The following ROMO1 variants were observed in gnomAD, a reference collection of about 807,000 sequenced individuals.
The protein encoded by ROMO1 is reactive oxygen species modulator 1.
In ROMO1, 8 loss-of-function variants were observed where a neutral mutation model predicts 7.4. The ratio of observed to expected loss-of-function variants is 1.08; its 90% CI spans 0.63 to 1.95. The LOEUF (loss-of-function observed/expected upper bound fraction) is 1.95. Ranked by LOEUF, ROMO1 falls within the 30% of genes most tolerant of loss-of-function variation. The pLI, the probability that ROMO1 is intolerant of heterozygous loss-of-function variation, is 0.00. For synonymous variants in ROMO1, 43 were observed against 41.4 expected, an observed-to-expected ratio of 1.04 and a Z score of -0.15; for missense variants, 91 against 115.9, an observed-to-expected ratio of 0.79 and a Z score of 0.99.
Position 35,699,751 on chromosome 20 carries a change from T to C in ROMO1, c.119T>C (p.Phe40Ser). The change falls in exon 2 of 3, where the codon TTT becomes TCT. Residue 40 changes from phenylalanine (F) to serine (S), a missense_variant. Coordinates refer to ENST00000374077, the MANE Select transcript of ROMO1 (RefSeq NM_080748.3). This position sits in a 1 kb window ranked among gnomAD's most constrained non-coding sequence, Gnocchi z 4.4. ...GMAAGALFGTFSCLRIGMRGR... is the reference protein window; with the variant it reads ...GMAAGALFGTSSCLRIGMRGR... ...GCGGCCGGGGCGCTCTTCGGCACCT[T>C]TTCCTGTCTCAGGTGAGGGGCGCGG... 6.2e-7 allele frequency: 1 copy of C among 1,610,198 alleles called. No homozygotes were observed. Among genetic ancestry groups the C allele is most frequent in the African/African-American group, 1.3e-5 (1 of 75,040 alleles).
At position 35,699,461 on chromosome 20, in the gene ROMO1, G is replaced by A; in HGVS notation, c.-1+5G>A. ...CCAGCCCGCGAGCGAGGTGAGGTAG[G>A]CGCCGGGCGACGCGGGGCCGGAACG... On this transcript the variant is annotated splice_donor_5th_base_variant and intron_variant, in intron 1 of 2. Coordinates refer to ENST00000374077, the MANE Select transcript of ROMO1 (RefSeq NM_080748.3). This position sits in a 1 kb window ranked among gnomAD's most constrained non-coding sequence, Gnocchi z 4.4. 8.3e-7 allele frequency: 1 copy of A among 1,203,696 alleles called. No individual in the cohort carries two copies. Among genetic ancestry groups the A allele is most frequent in the East Asian group, 2.6e-5 (1 of 39,082 alleles). 74.6% of individuals were successfully genotyped at this position (1,203,696 alleles called of 1,614,324 possible). A position where few individuals can be genotyped will look rare whatever the true frequency, so the allele number is the denominator to read the frequency against.
rs757323572 is a variant in ROMO1 at position 35,700,851 on chromosome 20, A to T, written c.185A>T (p.Gln62Leu). Residue 62 changes from glutamine (Q) to leucine (L), a missense_variant, in exon 3 of 3, where the codon CAG (glutamine) becomes CTG (leucine). Transcript: ENST00000374077. ...LMGGIGKTMM[Q>L]SGGTFGTFMA... ...GGCGGCATTGGGAAAACCATGATGCAGAGTGGCGGCACCTTTGGCACATTC... is the reference window on the plus strand; with the variant it reads ...GGCGGCATTGGGAAAACCATGATGCTGAGTGGCGGCACCTTTGGCACATTC... 4 of 1,614,124 alleles carry T rather than the reference A, an allele frequency of 2.5e-6. No homozygotes were observed. The highest frequency in any genetic ancestry group is 3.4e-6 in the Non-Finnish European group (4 of 1,180,048).
chr20:35,700,642 A>T, intron 2 of ROMO1, 156 bp from the exon 3 acceptor site: 1 of 649,328 alleles, frequency 1.5e-6, no homozygotes, highest in Admixed American at 2.4e-5. Context: ...TTTCCTTCTC[A>T]TTACCCACCC....
Position 35,700,882 on chromosome 20 carries a change from C to T in ROMO1, c.216C>T (p.Ala72=), listed in dbSNP as rs747362231. ...GCGGCACCTTTGGCACATTCATGGCCATTGGGATGGGCATCCGATGCTAAC... is the reference window on the plus strand; with the variant it reads ...GCGGCACCTTTGGCACATTCATGGCTATTGGGATGGGCATCCGATGCTAAC... ...QSGGTFGTFM[A]IGMGIRC The change falls in exon 3 of 3, where the codon GCC becomes GCT. Residue 72 remains alanine, a synonymous_variant. Transcript: ENST00000374077. 1.2e-6 allele frequency: 2 copies of T among 1,613,988 alleles called. No homozygotes were observed. Among genetic ancestry groups the T allele is most frequent in the East Asian group, 2.2e-5 (1 of 44,892 alleles).
At position 35,699,609 on chromosome 20, in the gene ROMO1, C is replaced by T. The variant is rs1321011588; in HGVS notation, c.1-24C>T. 2 of 1,610,458 alleles carry T rather than the reference C, an allele frequency of 1.2e-6. No individual in the cohort carries two copies. The highest frequency in any genetic ancestry group is 1.7e-6 in the Non-Finnish European group (2 of 1,179,878). On this transcript the variant is annotated intron_variant, in intron 1 of 2. Transcript: ENST00000374077. This position sits in a 1 kb window ranked among gnomAD's most constrained non-coding sequence, Gnocchi z 4.4. ...CCCGACTCTTGGGCCAGCGCCTGGG[C>T]CCACACTTTCCTATCCCCCGCAGAT...
In ROMO1 at chr20:35,699,445, G is replaced by A; in HGVS notation, c.-12G>A. 1.7e-6 allele frequency: 2 copies of A among 1,170,276 alleles called. No homozygotes were observed. The highest frequency in any genetic ancestry group is 1.5e-5 in the South Asian group (1 of 65,254). The allele number at this position is 1,170,276 out of a possible 1,614,324, so 72.5% of individuals were successfully genotyped here. On this transcript the variant is annotated 5_prime_UTR_variant, in exon 1 of 3. Coordinates refer to ENST00000374077, the MANE Select transcript of ROMO1 (RefSeq NM_080748.3). The surrounding 1 kb of genome is among the most constrained non-coding windows in gnomAD (Gnocchi z 4.4). ...CGTAGAGCTGAGCGACCCAGCCCGC[G>A]AGCGAGGTGAGGTAGGCGCCGGGCG...
Position 35,699,711 on chromosome 20 carries a change from T to C in ROMO1, c.79T>C (p.Cys27Arg). The C allele has an allele frequency of 6.2e-7, 1 of 1,613,498 alleles. No homozygotes were observed. Among genetic ancestry groups the C allele is most frequent in the Middle Eastern group, 1.6e-4 (1 of 6,062 alleles). The part of the protein sequence containing the change: ...DRVKMGFVMG[C>R]AVGMAAGALF... ...TGTCAAAATGGGCTTCGTGATGGGTTGCGCCGTGGGCATGGCGGCCGGGGC... is the reference window on the plus strand; with the variant it reads ...TGTCAAAATGGGCTTCGTGATGGGTCGCGCCGTGGGCATGGCGGCCGGGGC... The change falls in exon 2 of 3, where the codon TGC (cysteine) becomes CGC (arginine). Residue 27 changes from cysteine (C) to arginine (R), a missense_variant. Cys to Arg is a radical substitution (Grantham distance 180). Transcript: ENST00000374077. The surrounding 1 kb of genome is among the most constrained non-coding windows in gnomAD (Gnocchi z 4.4).
At position 35,699,793 on chromosome 20, in the gene ROMO1, A is replaced by G. The variant is rs1440869462; in HGVS notation, c.131+30A>G. 2.5e-6 allele frequency: 4 copies of G among 1,592,852 alleles called. No individual in the cohort carries two copies. In the African/African-American group the frequency reaches 5.4e-5, roughly 21 times the overall value. ...GGGGCGCGGGCGGTGATCTCTGGGCAGGACAACCAGACCTTCCGGCCCTGC... is the reference window on the plus strand; with the variant it reads ...GGGGCGCGGGCGGTGATCTCTGGGCGGGACAACCAGACCTTCCGGCCCTGC... On this transcript the variant is annotated intron_variant, in intron 2 of 2. Coordinates refer to ENST00000374077, the MANE Select transcript of ROMO1 (RefSeq NM_080748.3). This position sits in a 1 kb window ranked among gnomAD's most constrained non-coding sequence, Gnocchi z 4.4.
rs1347322138 is a variant in ROMO1, at chr20:35,699,413, TGA to T, written c.-39_-38del. 1.0e-5 allele frequency: 12 copies of T among 1,201,370 alleles called. No homozygotes were observed. In the Admixed American group the frequency reaches 3.5e-4, roughly 35 times the overall value. 74.4% of individuals were successfully genotyped at this position (1,201,370 alleles called of 1,614,324 possible). ...CGAGCGCCCTCCCCGTCGTTTTCCG[TGA>T]GAGACGTAGAGCTGAGCGACCCAGC... On this transcript the variant is annotated 5_prime_UTR_variant, in exon 1 of 3. Coordinates refer to ENST00000374077, the MANE Select transcript of ROMO1 (RefSeq NM_080748.3). The surrounding 1 kb of genome is among the most constrained non-coding windows in gnomAD (Gnocchi z 4.4).
chr20:35,700,636 C>T, intron 2 of ROMO1, 162 bp from the exon 3 acceptor site: 2 of 635,748 alleles, frequency 3.1e-6, no homozygotes, highest in Admixed American at 2.5e-5. Context: ...GATCTTTTTC[C>T]TTCTCATTAC....
rs1555885441 is a variant in ROMO1, at chr20:35,700,843, C to T, written c.177C>T (p.Thr59=). The T allele has an allele frequency of 1.2e-6, 2 of 1,614,218 alleles. No individual in the cohort carries two copies. Among genetic ancestry groups the T allele is most frequent in the Non-Finnish European group, 8.5e-7 (1 of 1,180,028 alleles). Residue 59 remains threonine (T), a synonymous_variant, in exon 3 of 3, where the codon ACC becomes ACT. Coordinates refer to ENST00000374077, the MANE Select transcript of ROMO1 (RefSeq NM_080748.3). ...GRELMGGIGK[T]MMQSGGTFGT... ...AGCTGATGGGCGGCATTGGGAAAAC[C>T]ATGATGCAGAGTGGCGGCACCTTTG... is the stretch of plus-strand genomic sequence containing the variant.
chr20:35,700,843 C>G lies in ROMO1; in HGVS notation c.177C>G (p.Thr59=), dbSNP rs1555885441. Residue 59 remains threonine, a synonymous_variant, in exon 3 of 3, where the codon ACC becomes ACG. Transcript: ENST00000374077. ...AGCTGATGGGCGGCATTGGGAAAAC[C>G]ATGATGCAGAGTGGCGGCACCTTTG... ...GRELMGGIGK[T]MMQSGGTFGT... is the part of the protein sequence containing the mutation. 1.2e-6 allele frequency: 2 copies of G among 1,614,218 alleles called. No individual in the cohort carries two copies. The highest frequency in any genetic ancestry group is 4.5e-5 in the East Asian group (2 of 44,896).
At position 35,699,707 on chromosome 20, in the gene ROMO1, G is replaced by A. The variant is rs1420732681; in HGVS notation, c.75G>A (p.Met25Ile). 1.2e-6 allele frequency: 2 copies of A among 1,613,514 alleles called. No homozygotes were observed. The highest frequency in any genetic ancestry group is 2.2e-5 in the East Asian group (1 of 44,868). The change falls in exon 2 of 3, where the codon ATG (methionine) becomes ATA (isoleucine). Residue 25 changes from methionine to isoleucine, a missense_variant. Transcript: ENST00000374077. The surrounding 1 kb of genome is among the most constrained non-coding windows in gnomAD (Gnocchi z 4.4). ...ACCGTGTCAAAATGGGCTTCGTGAT[G>A]GGTTGCGCCGTGGGCATGGCGGCCG... ...CFDRVKMGFV[M>I]GCAVGMAAGA...
At chr20:35,700,029 T>C (rs774041398) in intron 2 of ROMO1, among the ~76,000 whole-genome samples, 20 of 152,232 alleles carry the variant, frequency 1.3e-4, no homozygotes, top group Non-Finnish European at 2.6e-4. Flanking sequence ...TGGGTTTCCT[T>C]AAGTGTAGAA....
Position 35,699,665 on chromosome 20 carries a change from C to G in ROMO1, c.33C>G (p.Ser11=). Residue 11 remains serine, a synonymous_variant, in exon 2 of 3, where the codon TCC becomes TCG. Coordinates refer to ENST00000374077, the MANE Select transcript of ROMO1 (RefSeq NM_080748.3). The surrounding 1 kb of genome is among the most constrained non-coding windows in gnomAD (Gnocchi z 4.4). ...TGGCCGTGGGTCCCTACGGACAGTC[C>G]CAGCCAAGCTGCTTCGACCGTGTCA... MPVAVGPYGQ[S]QPSCFDRVKM... is the part of the protein sequence containing the mutation. 1 of 1,613,736 alleles carries G rather than the reference C, an allele frequency of 6.2e-7. No individual in the cohort carries two copies. The highest frequency in any genetic ancestry group is 8.5e-7 in the Non-Finnish European group (1 of 1,180,006).
Position 35,699,492 on chromosome 20 carries a change from A to G in ROMO1, c.-1+36A>G. The stretch of plus-strand genomic sequence containing the variant: ...GGCGACGCGGGGCCGGAACGCGAAG[A>G]GGGTGGTGGAGTCGGGCTACCCACT... On this transcript the variant is annotated intron_variant, in intron 1 of 2. Transcript: ENST00000374077. The surrounding 1 kb of genome is among the most constrained non-coding windows in gnomAD (Gnocchi z 4.4). 7.8e-7 allele frequency: 1 copy of G among 1,283,842 alleles called. No individual in the cohort carries two copies. Among genetic ancestry groups the G allele is most frequent in the East Asian group, 2.5e-5 (1 of 40,802 alleles). The allele number at this position is 1,283,842 out of a possible 1,614,324, so 79.5% of individuals were successfully genotyped here. A position where few individuals can be genotyped will look rare whatever the true frequency, so the allele number is the denominator to read the frequency against.
In ROMO1 at chr20:35,699,748, C is replaced by T; in HGVS notation, c.116C>T (p.Thr39Ile). ...ATGGCGGCCGGGGCGCTCTTCGGCACCTTTTCCTGTCTCAGGTGAGGGGCG... is the reference window on the plus strand; with the variant it reads ...ATGGCGGCCGGGGCGCTCTTCGGCATCTTTTCCTGTCTCAGGTGAGGGGCG... ...VGMAAGALFG[T>I]FSCLRIGMRG... is the part of the protein sequence containing the mutation. Residue 39 changes from threonine (T) to isoleucine (I), a missense_variant, in exon 2 of 3, where the codon ACC becomes ATC. By Grantham distance (89) the Thr-to-Ile change is moderately conservative. Transcript: ENST00000374077. The surrounding 1 kb of genome is among the most constrained non-coding windows in gnomAD (Gnocchi z 4.4). 6.2e-7 allele frequency: 1 copy of T among 1,610,612 alleles called. No individual in the cohort carries two copies. The highest frequency in any genetic ancestry group is 8.5e-7 in the Non-Finnish European group (1 of 1,179,876).
At chr20:35,700,133 T>C (rs1001969293) in intron 2 of ROMO1, among the ~76,000 whole-genome samples, 2 of 152,202 alleles carry the variant, frequency 1.3e-5, no homozygotes, top group African/African-American at 4.8e-5. Context: ...AGTAACTAGT[T>C]ACTACTGTTG....
rs769332528 is a variant in ROMO1, at chr20:35,699,787, C to T, written c.131+24C>T. Reference sequence around the variant, plus strand: ...AGGTGAGGGGCGCGGGCGGTGATCTCTGGGCAGGACAACCAGACCTTCCGG... The same window carrying T: ...AGGTGAGGGGCGCGGGCGGTGATCTTTGGGCAGGACAACCAGACCTTCCGG... On this transcript the variant is annotated intron_variant, in intron 2 of 2. Coordinates refer to ENST00000374077, the MANE Select transcript of ROMO1 (RefSeq NM_080748.3). The surrounding 1 kb of genome is among the most constrained non-coding windows in gnomAD (Gnocchi z 4.4). 2 of 1,596,790 alleles carry T rather than the reference C, an allele frequency of 1.3e-6. No individual in the cohort carries two copies. The highest frequency in any genetic ancestry group is 1.7e-6 in the Non-Finnish European group (2 of 1,175,584).
Sources: allele counts gnomAD v4.1 joint callset (sites outside exome capture counted in the v4.1 genomes callset), GRCh38; gene constraint gnomAD v4.1.1; non-coding constraint Gnocchi (gnomAD v3.1); transcripts MANE v1.5; gene names NCBI Gene and HGNC (gene_info 2026-07-23, HGNC 2026-07-21).